EYS: variants seen among roughly 807,000 people sequenced by gnomAD.
EYS encodes protein eyes shut homolog.
In EYS, 250 loss-of-function variants were observed where a neutral mutation model predicts 282.1. That is an observed-to-expected ratio of 0.89 (90% CI 0.80 to 0.98). The LOEUF (loss-of-function observed/expected upper bound fraction) is 0.98, where lower values mean the gene tolerates loss of function less well. Among genes scored for constraint, EYS ranks in the 50% least tolerant of loss-of-function variants. The probability of loss-of-function intolerance (pLI) is 0.00; values close to 1 mark genes in which losing one functional copy is unlikely to be tolerated. For synonymous variants in EYS, 1,355 were observed against 1,282.9 expected (o/e 1.06, Z -1.20); for missense variants, 4,016 against 3,709.0 (o/e 1.08, Z -2.15).
chr6:64,485,576 A>G lies in EYS; in HGVS notation c.5645-46224T>C, dbSNP rs188072542. ...CCTTTCCAAACCTAACACCCACTCA[A>G]TGTCCTGATTACTAGGCTCTAGCAG... On this transcript the variant is annotated intron_variant, in intron 26 of 42. Coordinates refer to ENST00000503581, the MANE Select transcript of EYS (RefSeq NM_001142800.2). Among the ~76,000 whole-genome samples the G allele has an allele frequency of 1.4e-3, 213 of 151,612 alleles. 1 individual carries two copies. Among genetic ancestry groups the G allele is most frequent in the African/African-American group, 4.6e-3 (189 of 41,458 alleles).
intron 35 of EYS, among the ~76,000 whole-genome samples, chr6:63,871,387 G>A (rs890376787): frequency 5.9e-5 from 9 of 152,052 alleles, no homozygotes; most frequent in Admixed American, 1.3e-4. Flanking sequence ...TCTGCTGGGC[G>A]TGGTGACTCA....
intron 28 of EYS, among the ~76,000 whole-genome samples, chr6:64,422,042 T>C (rs1222420924): frequency 2.0e-5 from 3 of 152,124 alleles, no homozygotes; most frequent in African/African-American, 7.2e-5. Flanking sequence ...CTAAACATCC[T>C]ACAATACAAA....
chr6:65,017,079 A>C (rs1223332790), intron 13 of EYS, among the ~76,000 whole-genome samples: 1 of 152,110 alleles, frequency 6.6e-6, no homozygotes, highest in Non-Finnish European at 1.5e-5. Context: ...CCCTCTCCCT[A>C]TCCCATTCCC....
intron 12 of EYS, among the ~76,000 whole-genome samples, chr6:65,131,864 A>G (rs1366354189): frequency 2.0e-5 from 3 of 151,974 alleles, no homozygotes; most frequent in Non-Finnish European, 4.4e-5. Context: ...AAATAAACAC[A>G]CTTAAAAATG....
intron 12 of EYS, among the ~76,000 whole-genome samples, chr6:65,268,357 A>G (rs1767811919): frequency 6.6e-6 from 1 of 152,092 alleles, no homozygotes; most frequent in African/African-American, 2.4e-5. Context: ...TATAGATTTG[A>G]AAAGATCATG....
intron 30 of EYS, among the ~76,000 whole-genome samples, chr6:64,282,856 T>C (rs150188353): frequency 6.6e-6 from 1 of 152,202 alleles, no homozygotes; most frequent in East Asian, 1.9e-4. Context: ...GAATTCTCAT[T>C]GTTTCATGTT....
intron 11 of EYS, chr6:65,329,218 G>A (rs1003323381): frequency 1.1e-5 from 4 of 356,012 alleles, no homozygotes; most frequent in African/African-American, 8.9e-5. Context: ...AAAAATATAT[G>A]AGAGATAATT....
chr6:64,878,237 T>C lies in EYS; in HGVS notation c.2992+8460A>G, dbSNP rs549238401. 2.6e-5 allele frequency among the ~76,000 whole-genome samples: 4 copies of C among 151,066 alleles called. 1 individual carries two copies. The highest frequency in any genetic ancestry group is 5.9e-5 in the Non-Finnish European group (4 of 67,708). ...CGAGACTCCATCGGAAAAAAGAAAA[T>C]ATGATAATAATAATGGAGAGAATCC... On this transcript the variant is annotated intron_variant, in intron 19 of 42. Coordinates refer to ENST00000503581, the MANE Select transcript of EYS (RefSeq NM_001142800.2).
intron 22 of EYS, among the ~76,000 whole-genome samples, chr6:64,752,480 A>T (rs2149970867): frequency 6.6e-6 from 1 of 152,296 alleles, no homozygotes; most frequent in East Asian, 1.9e-4. Flanking sequence ...TTAAAATATA[A>T]ACACTGCATT....
intron 14 of EYS, among the ~76,000 whole-genome samples, chr6:64,985,830 G>T (rs533925811): frequency 6.6e-6 from 1 of 151,456 alleles, no homozygotes; most frequent in Non-Finnish European, 1.5e-5. Flanking sequence ...TTAAAAGAGG[G>T]TTCAGAAGAT....
chr6:65,318,052 A>C, intron 11 of EYS, among the ~76,000 whole-genome samples: 1 of 151,174 alleles, frequency 6.6e-6, no homozygotes, highest in East Asian at 2.0e-4. Context: ...TATTTTCAGT[A>C]GAGACGGGAT....
intron 22 of EYS, chr6:64,733,630 G>T: frequency 6.4e-6 from 1 of 155,998 alleles, no homozygotes; most frequent in South Asian, 1.9e-4. Context: ...ATGCCAGAGT[G>T]GGCGATGATG....
chr6:64,774,607 C>T (rs1773623335), intron 22 of EYS, among the ~76,000 whole-genome samples: 1 of 151,880 alleles, frequency 6.6e-6, no homozygotes, highest in African/African-American at 2.4e-5. Context: ...CATTTTCTGT[C>T]CTTGAACCTC....
chr6:64,967,531 T>C (rs948476301), intron 14 of EYS, among the ~76,000 whole-genome samples: 2 of 152,118 alleles, frequency 1.3e-5, no homozygotes, highest in Non-Finnish European at 2.9e-5. Flanking sequence ...TTGGTCAGGC[T>C]GGTCTCGAAG....
At chr6:64,356,546 C>T (rs2150406296) in intron 29 of EYS, among the ~76,000 whole-genome samples, 1 of 151,688 alleles carries the variant, frequency 6.6e-6, no homozygotes, top group South Asian at 2.1e-4. Context: ...TAATCTAAAT[C>T]AATATTCTTA....
intron 30 of EYS, among the ~76,000 whole-genome samples, chr6:64,298,549 GA>G (rs1301921410): frequency 2.0e-5 from 3 of 151,702 alleles, no homozygotes; most frequent in African/African-American, 7.3e-5. Context: ...AATAAAATTA[GA>G]AAAAATTTTA....
At chr6:63,849,277 G>A (rs543823633) in intron 36 of EYS, among the ~76,000 whole-genome samples, 1 of 152,172 alleles carries the variant, frequency 6.6e-6, no homozygotes, top group Non-Finnish European at 1.5e-5. Context: ...ATACTTAAAG[G>A]TTCCTGCCTG....
intron 40 of EYS, among the ~76,000 whole-genome samples, chr6:63,777,439 TA>T (rs1770093240): frequency 6.6e-6 from 1 of 152,166 alleles, no homozygotes; most frequent in Non-Finnish European, 1.5e-5. Context: ...TGTAAGAAAT[TA>T]AATGACATAG....
intron 29 of EYS, among the ~76,000 whole-genome samples, chr6:64,378,755 C>T (rs895774211): frequency 1.3e-5 from 2 of 152,148 alleles, no homozygotes; most frequent in Admixed American, 1.3e-4. Context: ...CAACTCCAGA[C>T]CTACAATTCT....
Sources: gnomAD v4.1 joint callset for allele counts (sites outside exome capture counted in the v4.1 genomes callset) on GRCh38, gnomAD v4.1.1 for gene constraint, MANE v1.5 for transcripts, NCBI Gene and HGNC (gene_info 2026-07-23, HGNC 2026-07-21) for gene names.